PPM1L: variants seen among roughly 807,000 people sequenced by gnomAD.
The protein encoded by PPM1L is protein phosphatase, Mg2+/Mn2+ dependent 1L, also known as protein phosphatase 1L.
A neutral mutation model predicts 31.4 loss-of-function variants in PPM1L; 13 were observed. The ratio of observed to expected loss-of-function variants is 0.41; its 90% CI spans 0.27 to 0.66. The LOEUF is 0.66. PPM1L is among the 30% of genes least tolerant of loss of function. The pLI is 0.29. For missense variants in PPM1L, 326 were observed against 453.7 expected, an observed-to-expected ratio of 0.72 and a Z score of 2.56; for synonymous variants, 184 against 175.4, an observed-to-expected ratio of 1.05 and a Z score of -0.39.
chr3:160,892,595 C>T (rs990428700), intron 1 of PPM1L, among the ~76,000 whole-genome samples: 3 of 152,026 alleles, frequency 2.0e-5, no homozygotes, highest in Admixed American at 2.0e-4. Context: ...CATGAATGTG[C>T]CTTCAAACCA....
At chr3:160,882,775 A>G (rs935497) in intron 1 of PPM1L, among the ~76,000 whole-genome samples, 40,391 of 152,222 alleles carry the variant, frequency 0.27, 5,658 homozygotes, top group East Asian at 0.51. Context: ...AGAGGTCACC[A>G]ATGTTATTTT....
Position 161,072,610 on chromosome 3 carries a change from T to A in PPM1L, c.*3453T>A, listed in dbSNP as rs181047350. On this transcript the variant is annotated 3_prime_UTR_variant, in exon 4 of 4. Transcript: ENST00000498165. ...TAGGAAATTGAGTCCACTGTTTTCC[T>A]TTGCGTTTAATTTCCTTTGTGTTTA... 1.6e-4 allele frequency: 25 copies of A among 152,350 alleles called. No homozygotes were observed. Among genetic ancestry groups the A allele is most frequent in the African/African-American group, 2.9e-4 (12 of 41,588 alleles). The allele number at this position is 152,350 out of a possible 1,614,324, so 9.4% of individuals were successfully genotyped here.
chr3:161,058,951 G>C (rs565082261), intron 2 of PPM1L, among the ~76,000 whole-genome samples: 38 of 152,250 alleles, frequency 2.5e-4, no homozygotes, highest in Admixed American at 1.3e-3. Context: ...AAAATACTTA[G>C]TTAAGCTTAG....
At position 160,756,265 on chromosome 3, in the gene PPM1L, G is replaced by T. The variant is rs770789169; in HGVS notation, c.-44G>T. On this transcript the variant is annotated 5_prime_UTR_variant, in exon 1 of 4. Transcript: ENST00000498165. This position sits in a 1 kb window ranked among gnomAD's most constrained non-coding sequence, Gnocchi z 6.2. ...GTGCTCCCGGACCCGGCGAGCCTTC[G>T]GGGCGCGCGTCGCTGGTGGTGGTTG... The T allele has an allele frequency of 3.8e-6, 6 of 1,565,710 alleles. No homozygotes were observed. The East Asian group carries it at 9.0e-5, about 24-fold the overall frequency.
intron 1 of PPM1L, among the ~76,000 whole-genome samples, chr3:160,906,382 T>TC (rs202155910): frequency 0.027 from 4,069 of 152,212 alleles, 82 homozygotes; most frequent in Middle Eastern, 0.034. Context: ...GGTGGGTGGA[T>TC]CACGAGGTCA....
chr3:160,837,204 A>G (rs1158792054), intron 1 of PPM1L, among the ~76,000 whole-genome samples: 1 of 152,194 alleles, frequency 6.6e-6, no homozygotes, highest in Non-Finnish European at 1.5e-5. Flanking sequence ...TATATAAAAA[A>G]AGCTTTCTTG....
intron 1 of PPM1L, among the ~76,000 whole-genome samples, chr3:160,880,935 T>C (rs1270522073): frequency 2.6e-5 from 4 of 152,204 alleles, no homozygotes; most frequent in African/African-American, 9.6e-5. Context: ...TAGGATATAA[T>C]GAAACTTAGT....
intron 1 of PPM1L, among the ~76,000 whole-genome samples, chr3:160,800,384 A>G (rs1712386754): frequency 6.6e-6 from 1 of 152,118 alleles, no homozygotes; most frequent in Non-Finnish European, 1.5e-5. Flanking sequence ...TATTGTCAAA[A>G]TCTTTAATAC....
chr3:160,898,412 T>C (rs1327746418), intron 1 of PPM1L, among the ~76,000 whole-genome samples: 1 of 152,212 alleles, frequency 6.6e-6, no homozygotes. Flanking sequence ...TTAATTTATA[T>C]TAATGAGAAG....
intron 1 of PPM1L, among the ~76,000 whole-genome samples, chr3:160,857,853 C>G (rs1341471563): frequency 6.6e-6 from 1 of 152,196 alleles, no homozygotes; most frequent in African/African-American, 2.4e-5. Context: ...ATCCTTGTCT[C>G]TCAATCTCTT....
chr3:160,927,860 A>C (rs1163404201), intron 1 of PPM1L, among the ~76,000 whole-genome samples: 2 of 152,206 alleles, frequency 1.3e-5, no homozygotes, highest in Non-Finnish European at 2.9e-5. Context: ...CAATACAGCA[A>C]GAGAAGAGTG....
At chr3:161,000,176 T>G (rs943381211) in intron 2 of PPM1L, among the ~76,000 whole-genome samples, 4 of 152,226 alleles carry the variant, frequency 2.6e-5, no homozygotes, top group African/African-American at 9.6e-5. Flanking sequence ...TGGTACAACA[T>G]TCAAATACAC....
At chr3:160,821,102 G>A (rs1376859490) in intron 1 of PPM1L, among the ~76,000 whole-genome samples, 2 of 152,022 alleles carry the variant, frequency 1.3e-5, no homozygotes, top group Non-Finnish European at 2.9e-5. Context: ...ACAAAGCGGT[G>A]TGTGCTGTAT....
chr3:160,773,879 A>G (rs528673364), intron 1 of PPM1L, among the ~76,000 whole-genome samples: 227 of 151,614 alleles, frequency 1.5e-3, no homozygotes, highest in Admixed American at 3.5e-3. Context: ...GACACCACCT[A>G]TGTTTCTCTG....
intron 2 of PPM1L, 114 bp from the exon 3 acceptor site, chr3:161,065,289 A>G (rs1412838983): frequency 9.9e-7 from 1 of 1,006,132 alleles, no homozygotes; most frequent in African/African-American, 1.6e-5. Flanking sequence ...CTGGAGTCAA[A>G]TTCTCACCCA....
At chr3:160,930,200 AGAGTGGAATTTCAT>A (rs1208665333) in intron 1 of PPM1L, among the ~76,000 whole-genome samples, 1 of 152,172 alleles carries the variant, frequency 6.6e-6, no homozygotes, top group African/African-American at 2.4e-5. Context: ...CTGGAACTTC[AGAGTGGAATTTCAT>A]GAACATGTCT....
intron 1 of PPM1L, among the ~76,000 whole-genome samples, chr3:160,915,800 A>C (rs1448314126): frequency 3.3e-5 from 5 of 152,216 alleles, no homozygotes; most frequent in South Asian, 2.1e-4. Flanking sequence ...CAAAAACAAG[A>C]AATGGGGAAA....
rs77631113 is a variant in PPM1L, at chr3:160,824,772, T to C, written c.399+68065T>C. ...TTTTCAGAACACGAGCAGGAGATGG[T>C]TCTATTTTAGTATTATGAGACTAAT... On this transcript the variant is annotated intron_variant, in intron 1 of 3. Coordinates refer to ENST00000498165, the MANE Select transcript of PPM1L (RefSeq NM_139245.4). 4.7e-3 allele frequency among the ~76,000 whole-genome samples: 717 copies of C among 152,274 alleles called. 7 individuals are homozygous for C. Among genetic ancestry groups the C allele is most frequent in the African/African-American group, 0.016 (683 of 41,572 alleles).
intron 1 of PPM1L, among the ~76,000 whole-genome samples, chr3:160,835,149 C>CT (rs374361985): frequency 0.029 from 1,477 of 50,636 alleles, 89 homozygotes; most frequent in Middle Eastern, 0.036. Flanking sequence ...CTTTTTCTTC[C>CT]TTTTTTTTTT....
Sources: gnomAD v4.1 joint callset for allele counts (sites outside exome capture counted in the v4.1 genomes callset) on GRCh38, gnomAD v4.1.1 for gene constraint, Gnocchi (gnomAD v3.1) non-coding constraint, MANE v1.5 for transcripts, NCBI Gene and HGNC (gene_info 2026-07-23, HGNC 2026-07-21) for gene names.